Variants in EXPH5 observed in about 807,000 individuals in gnomAD.
EXPH5 encodes exophilin 5, also known as exophilin-5.
EXPH5 carries 42 observed loss-of-function variants against 41.1 expected under a neutral mutation model. That is an observed-to-expected ratio of 1.02 (90% confidence interval 0.80 to 1.32). The LOEUF (loss-of-function observed/expected upper bound fraction) is 1.32. Ranked by LOEUF, EXPH5 falls within the 40% of genes most tolerant of loss-of-function variation. The probability of loss-of-function intolerance (pLI) is 0.00; values close to 1 mark genes in which losing one functional copy is unlikely to be tolerated. For missense variants in EXPH5, 2,298 were observed against 2,314.5 expected, an observed-to-expected ratio of 0.99 and a Z score of 0.15; for synonymous variants, 798 against 833.5, an observed-to-expected ratio of 0.96 and a Z score of 0.73.
chr11:108,516,760 T>C (rs1017148720), intron 5 of EXPH5, among the ~76,000 whole-genome samples: 4 of 152,204 alleles, frequency 2.6e-5, no homozygotes, highest in Admixed American at 6.5e-5. Context: ...ATTAAGGATA[T>C]GTAATTAAGG....
Position 108,512,295 on chromosome 11 carries a change from C to G in EXPH5, c.3212G>C (p.Ser1071Thr). 1 of 1,613,744 alleles carries G rather than the reference C, an allele frequency of 6.2e-7. No individual in the cohort carries two copies. Among genetic ancestry groups the G allele is most frequent in the South Asian group, 1.1e-5 (1 of 90,952 alleles). The change falls in exon 6 of 6, where the codon AGT becomes ACT. Residue 1071 changes from serine to threonine, a missense_variant. Ser to Thr is a moderately conservative substitution (Grantham distance 58). Coordinates refer to ENST00000265843, the MANE Select transcript of EXPH5 (RefSeq NM_015065.3). Reference sequence around the variant, plus strand: ...ATTCGCTGACTCAGGAGAACTGGGACTAAATTTGTTTAACATATAGTTCCC... The same window carrying G: ...ATTCGCTGACTCAGGAGAACTGGGAGTAAATTTGTTTAACATATAGTTCCC... ...AMGNYMLNKF[S>T]PSSPESANEC...
At chr11:108,589,356 T>C (rs1260780041) in intron 1 of EXPH5, among the ~76,000 whole-genome samples, 1 of 152,172 alleles carries the variant, frequency 6.6e-6, no homozygotes, top group East Asian at 1.9e-4. Context: ...GAGGCTTGTG[T>C]ATCTGGCTTT....
intron 1 of EXPH5, among the ~76,000 whole-genome samples, chr11:108,569,707 C>T (rs2094051556): frequency 6.6e-6 from 1 of 151,990 alleles, no homozygotes; most frequent in Non-Finnish European, 1.5e-5. Flanking sequence ...TTGTATATCT[C>T]CGGTACCAGG....
intron 1 of EXPH5, among the ~76,000 whole-genome samples, chr11:108,575,908 G>A (rs945819773): frequency 6.6e-6 from 1 of 151,382 alleles, no homozygotes; most frequent in Admixed American, 6.6e-5. Context: ...GTTGTAGTGA[G>A]CCGAGATCAC....
In EXPH5 at chr11:108,580,398, A is replaced by C. The variant is rs1163840911; in HGVS notation, c.119+13020T>G. 3.3e-5 allele frequency among the ~76,000 whole-genome samples: 5 copies of C among 152,186 alleles called. No individual in the cohort carries two copies. The South Asian group carries it at 6.2e-4, about 19-fold the overall frequency. On this transcript the variant is annotated intron_variant, in intron 1 of 5. Coordinates refer to ENST00000265843, the MANE Select transcript of EXPH5 (RefSeq NM_015065.3). ...GAATAGCTATTATCAAAAAGGAAAA[A>C]AAAAATAACAAATGCTGGTGAGGAT...
At chr11:108,517,517 T>G (rs558693304) in intron 5 of EXPH5, among the ~76,000 whole-genome samples, 50 of 152,368 alleles carry the variant, frequency 3.3e-4, no homozygotes, top group South Asian at 1.9e-3. Context: ...AGTTAACTTT[T>G]CAAATGGCCG....
intron 1 of EXPH5, among the ~76,000 whole-genome samples, chr11:108,578,959 A>G (rs2094088864): frequency 6.6e-6 from 1 of 152,186 alleles, no homozygotes; most frequent in South Asian, 2.1e-4. Context: ...AAACAAGAAC[A>G]ATGATTTCTT....
rs532715843 is a variant in EXPH5, at chr11:108,574,975, C to T, written c.119+18443G>A. Among the ~76,000 whole-genome samples the T allele has an allele frequency of 3.9e-5, 6 of 152,272 alleles. No individual in the cohort carries two copies. In the South Asian group the frequency reaches 1.2e-3, roughly 32 times the overall value. ...AAACCACTAAACCAGCTGGCAGCTACCTACTTCCAGATGTATTCTTATGTC... is the reference window on the plus strand; with the variant it reads ...AAACCACTAAACCAGCTGGCAGCTATCTACTTCCAGATGTATTCTTATGTC... On this transcript the variant is annotated intron_variant, in intron 1 of 5. Coordinates refer to ENST00000265843, the MANE Select transcript of EXPH5 (RefSeq NM_015065.3).
In EXPH5 at chr11:108,512,113, C is replaced by A; in HGVS notation, c.3394G>T (p.Ala1132Ser). The change falls in exon 6 of 6, where the codon GCC becomes TCC. Residue 1132 changes from alanine to serine, a missense_variant. Ala to Ser is a moderately conservative substitution (Grantham distance 99, BLOSUM62 1). Coordinates refer to ENST00000265843, the MANE Select transcript of EXPH5 (RefSeq NM_015065.3). Reference protein sequence around the residue: ...AMSCPSGEPHASTGREGRKKP... With the variant: ...AMSCPSGEPHSSTGREGRKKP... ...TTTCTTCCTTCTCTTCCAGTTGAGGCATGTGGCTCCCCTGAGGGACATGAC... is the reference window on the plus strand; with the variant it reads ...TTTCTTCCTTCTCTTCCAGTTGAGGAATGTGGCTCCCCTGAGGGACATGAC... 1 of 1,613,816 alleles carries A rather than the reference C, an allele frequency of 6.2e-7. No homozygotes were observed. Among genetic ancestry groups the A allele is most frequent in the Non-Finnish European group, 8.5e-7 (1 of 1,179,908 alleles).
intron 1 of EXPH5, among the ~76,000 whole-genome samples, chr11:108,576,484 A>G (rs906255213): frequency 6.6e-6 from 1 of 152,164 alleles, no homozygotes; most frequent in Non-Finnish European, 1.5e-5. Flanking sequence ...ATTGTACAAC[A>G]TTGTTAATGT....
In EXPH5 at chr11:108,511,647, T is replaced by C. The variant is rs114011942; in HGVS notation, c.3860A>G (p.Glu1287Gly). 198 of 1,609,498 alleles carry C rather than the reference T, an allele frequency of 1.2e-4. No individual in the cohort carries two copies. The highest frequency in any genetic ancestry group is 1.6e-4 in the Non-Finnish European group (192 of 1,178,780). The change falls in exon 6 of 6, where the codon GAA (glutamate) becomes GGA (glycine). Residue 1287 changes from glutamate to glycine, a missense_variant. Transcript: ENST00000265843. ...TTTTTCTAAAGCGTTAGGAAATGTT[T>C]CAGTCTCCACTTGAGGTGATTCTAT... ...LLIESPQVET[E>G]TFPNALEKDK...
intron 3 of EXPH5, among the ~76,000 whole-genome samples, chr11:108,530,673 C>T (rs2093831568): frequency 6.6e-6 from 1 of 152,190 alleles, no homozygotes; most frequent in African/African-American, 2.4e-5. Context: ...ACCAGCTCAC[C>T]AGGTACCCCT....
chr11:108,522,708 G>C (rs2093772881), intron 4 of EXPH5, among the ~76,000 whole-genome samples: 1 of 152,150 alleles, frequency 6.6e-6, no homozygotes, highest in Admixed American at 6.5e-5. Flanking sequence ...CCAGGACCCA[G>C]AGCAGACACT....
At chr11:108,532,352 ATATATATATATATATTTTTTTTT>A (rs1271756473) in intron 3 of EXPH5, among the ~76,000 whole-genome samples, 3 of 7,656 alleles carry the variant, frequency 3.9e-4, no homozygotes, top group Non-Finnish European at 7.1e-4. Context: ...ATATATATAT[ATATATATATATATATTTTTTTTT>A]TTTTTTTTTT....
At chr11:108,531,763 A>AG (rs2093839461) in intron 3 of EXPH5, among the ~76,000 whole-genome samples, 2 of 152,216 alleles carry the variant, frequency 1.3e-5, no homozygotes, top group South Asian at 2.1e-4. Flanking sequence ...GGATGGCCAC[A>AG]GGCCATTGAG....
At chr11:108,598,606 C>T (rs1591768820), upstream of EXPH5, among the ~76,000 whole-genome samples, 1 of 151,938 alleles carries the variant, frequency 6.6e-6, no homozygotes, top group East Asian at 1.9e-4. Flanking sequence ...GGGAAGGGTA[C>T]CCTGAGGTGA....
chr11:108,568,585 C>G (rs1400517854), intron 1 of EXPH5, among the ~76,000 whole-genome samples: 1 of 152,164 alleles, frequency 6.6e-6, no homozygotes, highest in African/African-American at 2.4e-5. Flanking sequence ...AACAAGAGAT[C>G]TGCCTTTAAA....
intron 1 of EXPH5, among the ~76,000 whole-genome samples, chr11:108,570,607 G>A (rs541088685): frequency 5.9e-5 from 9 of 152,274 alleles, no homozygotes; most frequent in South Asian, 2.1e-4. Flanking sequence ...GTGCAGTGGC[G>A]TGGTCAGCTC....
In EXPH5 at chr11:108,512,959, T is replaced by C. The variant is rs779413090; in HGVS notation, c.2548A>G (p.Ser850Gly). 2 of 1,612,590 alleles carry C rather than the reference T, an allele frequency of 1.2e-6. No individual in the cohort carries two copies. Among genetic ancestry groups the C allele is most frequent in the Non-Finnish European group, 1.7e-6 (2 of 1,179,498 alleles). ...ISRIITNNHW[S>G]SALTDTQNAQ... Reference sequence around the variant, plus strand: ...TTTTGAGTATCAGTCAGTGCAGAGCTCCAGTGGTTATTTGTAATAATTCTT... The same window carrying C: ...TTTTGAGTATCAGTCAGTGCAGAGCCCCAGTGGTTATTTGTAATAATTCTT... Residue 850 changes from serine (S) to glycine (G), a missense_variant, in exon 6 of 6, where the codon AGC (serine) becomes GGC (glycine). Ser to Gly is a moderately conservative substitution (Grantham distance 56). Transcript: ENST00000265843.
Sources: gnomAD v4.1 joint callset for allele counts (sites outside exome capture counted in the v4.1 genomes callset) on GRCh38, gnomAD v4.1.1 for gene constraint, MANE v1.5 for transcripts, NCBI Gene and HGNC (gene_info 2026-07-23, HGNC 2026-07-21) for gene names.